The following CCDC146 variants were observed in gnomAD, a reference collection of about 807,000 sequenced individuals.
CCDC146 encodes the protein coiled-coil domain containing 146.
CCDC146 carries 92 observed loss-of-function variants against 119.3 expected under a neutral mutation model. The observed-to-expected ratio is 0.77, with a 90% CI of 0.65 to 0.92. CCDC146 has a LOEUF of 0.92. CCDC146 is among the 40% of genes least tolerant of loss of function. CCDC146 has a pLI of 0.00. For missense variants in CCDC146, 1,000 were observed against 1,103.0 expected (o/e 0.91, Z 1.32); for synonymous variants, 372 against 371.8 (o/e 1.00, Z -0.01).
chr7:77,248,228 C>T (rs1057514268), intron 4 of CCDC146, among the ~76,000 whole-genome samples: 6 of 152,068 alleles, frequency 3.9e-5, no homozygotes, highest in African/African-American at 9.7e-5. Context: ...AATGTGTACA[C>T]GTGGACGTAG....
chr7:77,201,833 C>T (rs763570881), intron 2 of CCDC146, among the ~76,000 whole-genome samples: 43 of 152,114 alleles, frequency 2.8e-4, no homozygotes, highest in Middle Eastern at 3.4e-3. Flanking sequence ...TATTTTCAAG[C>T]TGTGACACTT....
chr7:77,234,128 A>C (rs898906953), intron 2 of CCDC146, among the ~76,000 whole-genome samples: 1 of 152,196 alleles, frequency 6.6e-6, no homozygotes, highest in African/African-American at 2.4e-5. Context: ...TTAGCTAGTT[A>C]CTGGGCTAGC....
At chr7:77,278,036 CTTA>C (rs1793682821) in intron 11 of CCDC146, among the ~76,000 whole-genome samples, 1 of 152,134 alleles carries the variant, frequency 6.6e-6, no homozygotes, top group African/African-American at 2.4e-5. Flanking sequence ...AATATGATGC[CTTA>C]TTATGTAGGA....
chr7:77,235,885 C>T (rs751537366), intron 2 of CCDC146, among the ~76,000 whole-genome samples: 5 of 152,130 alleles, frequency 3.3e-5, no homozygotes, highest in African/African-American at 4.8e-5. Context: ...GCCTGGCTAA[C>T]ATGGTGAACC....
At chr7:77,237,241 A>C (rs1399095850) in intron 3 of CCDC146, among the ~76,000 whole-genome samples, 1 of 152,138 alleles carries the variant, frequency 6.6e-6, no homozygotes, top group Non-Finnish European at 1.5e-5. Context: ...GGCCGTGTAC[A>C]TCTGCGAGTT....
chr7:77,271,442 C>A (rs1793511480), intron 9 of CCDC146, among the ~76,000 whole-genome samples: 1 of 145,590 alleles, frequency 6.9e-6, no homozygotes, highest in African/African-American at 2.6e-5. Context: ...ACCCTGTGAT[C>A]CTGTGAGTTA....
At chr7:77,188,077 C>T (rs1011540581) in intron 2 of CCDC146, among the ~76,000 whole-genome samples, 3 of 152,178 alleles carry the variant, frequency 2.0e-5, no homozygotes, top group African/African-American at 4.8e-5. Flanking sequence ...GATTCCTGTA[C>T]GTCACTTTAC....
intron 1 of CCDC146, among the ~76,000 whole-genome samples, chr7:77,160,440 T>A (rs1276278895): frequency 1.3e-5 from 2 of 152,168 alleles, no homozygotes; most frequent in African/African-American, 4.8e-5. Flanking sequence ...CCTCTTTTAT[T>A]TCCTTGAGCA....
At chr7:77,240,350 A>T (rs186138920) in intron 3 of CCDC146, among the ~76,000 whole-genome samples, 2 of 152,306 alleles carry the variant, frequency 1.3e-5, no homozygotes, top group East Asian at 1.9e-4. Flanking sequence ...TGAAGCTAGG[A>T]GCTAAGCCTT....
intron 2 of CCDC146, among the ~76,000 whole-genome samples, chr7:77,207,211 A>G (rs1792097089): frequency 6.6e-6 from 1 of 152,196 alleles, no homozygotes; most frequent in South Asian, 2.1e-4. Context: ...TTGAAAGTAT[A>G]GCATTCTGAG....
chr7:77,225,746 C>T (rs1460160007), intron 2 of CCDC146, among the ~76,000 whole-genome samples: 2 of 152,056 alleles, frequency 1.3e-5, no homozygotes, highest in Non-Finnish European at 2.9e-5. Flanking sequence ...AGTTCAAGAC[C>T]AGCCTGGTCA....
intron 1 of CCDC146, among the ~76,000 whole-genome samples, chr7:77,166,729 T>C (rs1364116253): frequency 6.6e-6 from 1 of 152,174 alleles, no homozygotes; most frequent in African/African-American, 2.4e-5. Flanking sequence ...GGGAAAACTT[T>C]TTATATATTG....
At chr7:77,190,961 A>G (rs1035092843) in intron 2 of CCDC146, among the ~76,000 whole-genome samples, 1 of 152,174 alleles carries the variant, frequency 6.6e-6, no homozygotes, top group Non-Finnish European at 1.5e-5. Flanking sequence ...GGGTGGAACA[A>G]TCACTATTGG....
intron 2 of CCDC146, among the ~76,000 whole-genome samples, chr7:77,183,543 T>C (rs1319056949): frequency 1.3e-5 from 2 of 152,164 alleles, no homozygotes; most frequent in Non-Finnish European, 2.9e-5. Context: ...GTGCCTGGTT[T>C]TCCACCCTGC....
At chr7:77,152,826 C>T (rs1791125806) in intron 1 of CCDC146, among the ~76,000 whole-genome samples, 1 of 152,094 alleles carries the variant, frequency 6.6e-6, no homozygotes, top group Admixed American at 6.6e-5. Context: ...ACGTAAGGTA[C>T]ATTATGTATG....
Position 77,278,981 on chromosome 7 carries a change from G to C in CCDC146, c.1574G>C (p.Arg525Thr), listed in dbSNP as rs139602101. The C allele has an allele frequency of 1.2e-6, 2 of 1,611,836 alleles. No homozygotes were observed. Among genetic ancestry groups the C allele is most frequent in the African/African-American group, 1.3e-5 (1 of 74,832 alleles). ...CTGTATGACACCATTCGAAATGAAA[G>C]AAACAAATTTGTTAACTTACTCCAC... Reference protein sequence around the residue: ...AKLYDTIRNERNKFVNLLHKA... With the variant: ...AKLYDTIRNETNKFVNLLHKA... Residue 525 changes from arginine (R) to threonine (T), a missense_variant, in exon 13 of 19, where the codon AGA becomes ACA. By Grantham distance (71) the Arg-to-Thr change is moderately conservative. Transcript: ENST00000285871.
chr7:77,236,400 G>A (rs576500441), intron 2 of CCDC146, among the ~76,000 whole-genome samples: 368 of 152,278 alleles, frequency 2.4e-3, no homozygotes, highest in African/African-American at 8.5e-3. Context: ...GGGAGTGATC[G>A]TGGGTTTTTG....
At chr7:77,285,038 G>T (rs1465694153) in intron 15 of CCDC146, among the ~76,000 whole-genome samples, 1 of 151,578 alleles carries the variant, frequency 6.6e-6, no homozygotes, top group African/African-American at 2.4e-5. Flanking sequence ...TTCTCTTAAG[G>T]TTTGCATTTT....
rs933645952 is a variant in CCDC146 at position 77,259,874 on chromosome 7, A to C, written c.759-135A>C. 7.8e-6 allele frequency: 5 copies of C among 642,290 alleles called. No homozygotes were observed. In the African/African-American group the frequency reaches 9.2e-5, roughly 12 times the overall value. 39.8% of individuals were successfully genotyped at this position (642,290 alleles called of 1,614,324 possible). On this transcript the variant is annotated intron_variant, in intron 7 of 18. Coordinates refer to ENST00000285871, the MANE Select transcript of CCDC146 (RefSeq NM_020879.3). ...TGCTGAGATCATTGAATTTATGACTATCTCTTCTGCTGCATGGTTAGAAAG... is the reference window on the plus strand; with the variant it reads ...TGCTGAGATCATTGAATTTATGACTCTCTCTTCTGCTGCATGGTTAGAAAG...
Sources: allele counts gnomAD v4.1 joint callset (sites outside exome capture counted in the v4.1 genomes callset), GRCh38; gene constraint gnomAD v4.1.1; transcripts MANE v1.5; gene names NCBI Gene and HGNC (gene_info 2026-07-23, HGNC 2026-07-21).